The following IL17RA variants were observed in gnomAD, a reference collection of about 807,000 sequenced individuals.
IL17RA encodes the protein interleukin 17 receptor A.
IL17RA carries 34 observed loss-of-function variants against 50.4 expected under a neutral mutation model. The ratio of observed to expected loss-of-function variants is 0.67; its 90% CI spans 0.51 to 0.90. The LOEUF (loss-of-function observed/expected upper bound fraction) is 0.90, where lower values mean the gene tolerates loss of function less well. Ranked by LOEUF, IL17RA falls within the 40% of genes least tolerant of loss-of-function variation. The pLI is 0.00. For synonymous variants in IL17RA, 585 were observed against 510.4 expected (o/e 1.15, Z -1.97); for missense variants, 1,276 against 1,169.8 (o/e 1.09, Z -1.32).
At position 17,114,423 on chromosome 22, in the gene IL17RA, AT is replaced by A. The variant is rs2061458437; in HGVS notation, c.*4604del. ...GGAGGAACATGCAGTCTCCTGTCTCATGGTTTGAAGTGTGCCAGGAAGCCTG... is the reference window on the plus strand; with the variant it reads ...GGAGGAACATGCAGTCTCCTGTCTCAGGTTTGAAGTGTGCCAGGAAGCCTG... On this transcript the variant is annotated 3_prime_UTR_variant, in exon 13 of 13. Coordinates refer to ENST00000319363, the MANE Select transcript of IL17RA (RefSeq NM_014339.7). 6.6e-6 allele frequency: 1 copy of A among 152,226 alleles called. No individual in the cohort carries two copies. The highest frequency in any genetic ancestry group is 2.1e-4 in the South Asian group (1 of 4,826). The allele number at this position is 152,226 out of a possible 1,614,324, so 9.4% of individuals were successfully genotyped here.
At chr22:17,096,656 G>A (rs189825318) in intron 1 of IL17RA, among the ~76,000 whole-genome samples, 31 of 151,946 alleles carry the variant, frequency 2.0e-4, no homozygotes, top group Non-Finnish European at 3.8e-4. Flanking sequence ...GGATCACGAG[G>A]TCAGGAGATC....
rs1294119074 is a variant in IL17RA at position 17,109,979 on chromosome 22, A to G, written c.*159A>G. The G allele has an allele frequency of 1.4e-5, 11 of 770,426 alleles. No homozygotes were observed. The East Asian group carries it at 1.9e-4, about 13-fold the overall frequency. 47.7% of individuals were successfully genotyped at this position (770,426 alleles called of 1,614,324 possible). A position where few individuals can be genotyped will look rare whatever the true frequency, so the allele number is the denominator to read the frequency against. On this transcript the variant is annotated 3_prime_UTR_variant, in exon 13 of 13. Transcript: ENST00000319363. ...GATTTTAATCCCAGGCATCCCTCCT[A>G]ACTTTTCTTTGTGCAGCGGTCTGGT...
Position 17,102,229 on chromosome 22 carries a change from A to G in IL17RA, c.689A>G (p.Tyr230Cys). The change falls in exon 7 of 13, where the codon TAC becomes TGC. Residue 230 changes from tyrosine to cysteine, a missense_variant. Transcript: ENST00000319363. ...ACCCTGTGGAACGAATCTACCCATTACCAGATCCTGCTGACCAGTTTTCCG... is the reference window on the plus strand; with the variant it reads ...ACCCTGTGGAACGAATCTACCCATTGCCAGATCCTGCTGACCAGTTTTCCG... Reference protein sequence around the residue: ...SFTLWNESTHYQILLTSFPHM... With the variant: ...SFTLWNESTHCQILLTSFPHM... 1.2e-6 allele frequency: 2 copies of G among 1,614,152 alleles called. No homozygotes were observed. Among genetic ancestry groups the G allele is most frequent in the Non-Finnish European group, 1.7e-6 (2 of 1,180,026 alleles).
rs2061459893 is a variant in IL17RA at position 17,114,723 on chromosome 22, T to C, written c.*4903T>C. On this transcript the variant is annotated 3_prime_UTR_variant, in exon 13 of 13. Coordinates refer to ENST00000319363, the MANE Select transcript of IL17RA (RefSeq NM_014339.7). The stretch of plus-strand genomic sequence containing the variant: ...GAAGATGAAAACAGCCCCTGCTTTT[T>C]TGCTAGAATGGCTGAGCTTTCATGG... 1 of 152,230 alleles carries C rather than the reference T, an allele frequency of 6.6e-6. No individual in the cohort carries two copies. The allele number at this position is 152,230 out of a possible 1,614,324, so 9.4% of individuals were successfully genotyped here.
At chr22:17,106,545 C>T (rs41442848) in intron 11 of IL17RA, among the ~76,000 whole-genome samples, 3,287 of 152,272 alleles carry the variant, frequency 0.022, 136 homozygotes, top group African/African-American at 0.076. Context: ...GGGATTAGTA[C>T]ATACCAGTGT....
intron 1 of IL17RA, among the ~76,000 whole-genome samples, chr22:17,091,954 T>C (rs1169163626): frequency 6.6e-6 from 1 of 152,188 alleles, no homozygotes; most frequent in Non-Finnish European, 1.5e-5. Context: ...AATTGTATCT[T>C]TTATATACTA....
At chr22:17,106,433 A>G (rs550429967) in intron 11 of IL17RA, among the ~76,000 whole-genome samples, 1 of 152,328 alleles carries the variant, frequency 6.6e-6, no homozygotes, top group Admixed American at 6.5e-5. Flanking sequence ...CCAGTTACTT[A>G]ATACACCATG....
intron 1 of IL17RA, among the ~76,000 whole-genome samples, chr22:17,087,378 A>G (rs1185487834): frequency 6.6e-6 from 1 of 152,224 alleles, no homozygotes. Context: ...AGTCCATGCC[A>G]CCTTCCAGAA....
chr22:17,097,169 C>T, intron 2 of IL17RA, 83 bp downstream of exon 2: 7 of 1,305,862 alleles, frequency 5.4e-6, no homozygotes, highest in Non-Finnish European at 7.8e-6. Context: ...AGAAGTCTTG[C>T]CATGCCACTC....
At position 17,089,114 on chromosome 22, in the gene IL17RA, G is replaced by T. The variant is rs544886679; in HGVS notation, c.138+3885G>T. Among the ~76,000 whole-genome samples, 15 of 152,136 alleles carry T rather than the reference G, an allele frequency of 9.9e-5. No homozygotes were observed. In the South Asian group the frequency reaches 3.1e-3, roughly 32 times the overall value. On this transcript the variant is annotated intron_variant, in intron 1 of 12. Coordinates refer to ENST00000319363, the MANE Select transcript of IL17RA (RefSeq NM_014339.7). The stretch of plus-strand genomic sequence containing the variant: ...CCTGGCCAATTTTTTAATTTTTTTA[G>T]TAGAGACAGGGTTTCACCAGGTTGG...
rs2061441034 is a variant in IL17RA, at chr22:17,111,143, C to T, written c.*1323C>T. 1 of 152,048 alleles carries T rather than the reference C, an allele frequency of 6.6e-6. No homozygotes were observed. The highest frequency in any genetic ancestry group is 2.4e-5 in the African/African-American group (1 of 41,372). 9.4% of individuals were successfully genotyped at this position (152,048 alleles called of 1,614,324 possible). A position where few individuals can be genotyped will look rare whatever the true frequency, so the allele number is the denominator to read the frequency against. ...AGCCTTGTGCGCATCAGTCCTGAGG[C>T]CTGGGGCACCTTTCGTCTGATGAGC... On this transcript the variant is annotated 3_prime_UTR_variant, in exon 13 of 13. Transcript: ENST00000319363.
Position 17,105,901 on chromosome 22 carries a change from T to C in IL17RA, c.992T>C (p.Leu331Pro). 6.2e-7 allele frequency: 1 copy of C among 1,614,204 alleles called. No individual in the cohort carries two copies. Among genetic ancestry groups the C allele is most frequent in the Non-Finnish European group, 8.5e-7 (1 of 1,180,038 alleles). Reference protein sequence around the residue: ...VYWFITGISILLVGSVILLIV... With the variant: ...VYWFITGISIPLVGSVILLIV... Reference sequence around the variant, plus strand: ...TGGTTCATCACGGGCATCTCCATCCTGCTGGTGGGCTCCGTCATCCTGCTC... The same window carrying C: ...TGGTTCATCACGGGCATCTCCATCCCGCTGGTGGGCTCCGTCATCCTGCTC... Residue 331 changes from leucine to proline, a missense_variant, in exon 11 of 13, where the codon CTG becomes CCG. Physicochemically the swap from Leu to Pro is moderately conservative, Grantham distance 98. Transcript: ENST00000319363.
chr22:17,101,489 G>T (rs1227323564), intron 5 of IL17RA, among the ~76,000 whole-genome samples: 1 of 152,230 alleles, frequency 6.6e-6, no homozygotes, highest in Non-Finnish European at 1.5e-5. Context: ...TCTCCAGGGG[G>T]CAGGGCTTTG....
Position 17,109,981 on chromosome 22 carries a change from CTT to C in IL17RA, c.*164_*165del, listed in dbSNP as rs2061434040. ...TTTTAATCCCAGGCATCCCTCCTAA[CTT>C]TTCTTTGTGCAGCGGTCTGGTTATC... On this transcript the variant is annotated 3_prime_UTR_variant, in exon 13 of 13. Coordinates refer to ENST00000319363, the MANE Select transcript of IL17RA (RefSeq NM_014339.7). The C allele has an allele frequency of 1.3e-6, 1 of 760,450 alleles. No individual in the cohort carries two copies. Among genetic ancestry groups the C allele is most frequent in the Non-Finnish European group, 2.1e-6 (1 of 478,362 alleles). 47.1% of individuals were successfully genotyped at this position (760,450 alleles called of 1,614,324 possible).
At chr22:17,097,478 A>G (rs546208356) in intron 2 of IL17RA, 3 of 527,418 alleles carry the variant, frequency 5.7e-6, no homozygotes, top group South Asian at 2.1e-5. Context: ...GACCCCTGAC[A>G]TATAACAATA....
In IL17RA at chr22:17,109,435, T is replaced by G; in HGVS notation, c.2216T>G (p.Leu739Arg). The change falls in exon 13 of 13, where the codon CTC (leucine) becomes CGC (arginine). Residue 739 changes from leucine (L) to arginine (R), a missense_variant. Leu to Arg is a moderately radical substitution (Grantham distance 102). Coordinates refer to ENST00000319363, the MANE Select transcript of IL17RA (RefSeq NM_014339.7). ...GSSTPMASPD[L>R]LPEDVREHLE... ...AGCACCCCCATGGCGTCTCCTGACC[T>G]CCTTCCAGAGGACGTGAGGGAGCAC... The G allele has an allele frequency of 6.2e-7, 1 of 1,613,270 alleles. No homozygotes were observed. The highest frequency in any genetic ancestry group is 1.3e-5 in the African/African-American group (1 of 75,044).
intron 1 of IL17RA, among the ~76,000 whole-genome samples, chr22:17,085,576 G>T (rs1268424387): frequency 6.6e-6 from 1 of 152,168 alleles, no homozygotes; most frequent in Admixed American, 6.5e-5. Context: ...CCGGAGGGGC[G>T]GCCAGGGCTG....
Position 17,085,113 on chromosome 22 carries a change from C to CCGT in IL17RA, c.24_26dup (p.Ser9dup). ...GGCCATGGGGGCCGCACGCAGCCCG[C>CCGT]CGTCCGCTGTCCCGGGGCCCCTGCT... is the stretch of plus-strand genomic sequence containing the variant. On this transcript the variant is annotated inframe_insertion, in exon 1 of 13. Transcript: ENST00000319363. 1.4e-6 allele frequency: 2 copies of CCGT among 1,380,600 alleles called. No individual in the cohort carries two copies. Among genetic ancestry groups the CCGT allele is most frequent in the South Asian group, 3.2e-5 (2 of 62,666 alleles). 85.5% of individuals were successfully genotyped at this position (1,380,600 alleles called of 1,614,324 possible).
Position 17,109,275 on chromosome 22 carries a change from CT to C in IL17RA, c.2057del (p.Leu686ArgfsTer59). 1 of 1,511,742 alleles carries C rather than the reference CT, an allele frequency of 6.6e-7. No homozygotes were observed. Among genetic ancestry groups the C allele is most frequent in the South Asian group, 1.3e-5 (1 of 79,960 alleles). The allele number at this position is 1,511,742 out of a possible 1,614,324, so 93.6% of individuals were successfully genotyped here. On this transcript the variant is annotated frameshift_variant, in exon 13 of 13. Transcript: ENST00000319363. LOFTEE classifies it low-confidence loss of function (END_TRUNC). ...GGTGGCCGCGGTGGAGCCTGGGCCCCTGGCTGACGGTGCCGCAGTCCGGCTG... is the reference window on the plus strand; with the variant it reads ...GGTGGCCGCGGTGGAGCCTGGGCCCCGGCTGACGGTGCCGCAGTCCGGCTG... ...ALVAAVEPGPLADGAAVRLAL... is the reference protein window; with the variant it reads ...ALVAAVEPGPXADGAAVRLAL...
Sources: gnomAD v4.1 joint callset for allele counts (sites outside exome capture counted in the v4.1 genomes callset) on GRCh38, gnomAD v4.1.1 for gene constraint, MANE v1.5 for transcripts, NCBI Gene and HGNC (gene_info 2026-07-23, HGNC 2026-07-21) for gene names.